The following PIGX variants were observed in gnomAD, a reference collection of about 807,000 sequenced individuals.
PIGX encodes the protein GPI alpha-1,4-mannosyltransferase I, stabilizing subunit.
PIGX carries 24 observed loss-of-function variants against 28.7 expected under a neutral mutation model. The observed-to-expected ratio is 0.84, with a 90% confidence interval of 0.60 to 1.17. The LOEUF (loss-of-function observed/expected upper bound fraction) is 1.17. Ranked by LOEUF, PIGX falls within the 50% of genes most tolerant of loss-of-function variation. PIGX has a pLI of 0.00. For synonymous variants in PIGX, 127 were observed against 121.0 expected (o/e 1.05, Z -0.33); for missense variants, 305 against 317.8 (o/e 0.96, Z 0.31).
chr3:196,732,216 T>TTATTTTTA (rs1400132891), intron 5 of PIGX, among the ~76,000 whole-genome samples: 10 of 51,348 alleles, frequency 1.9e-4, no homozygotes, highest in Admixed American at 2.8e-4. Flanking sequence ...TATATATTAT[T>TTATTTTTA]TATATATATA....
At chr3:196,724,082 A>G (rs1055517242) in intron 3 of PIGX, among the ~76,000 whole-genome samples, 1 of 151,016 alleles carries the variant, frequency 6.6e-6, no homozygotes, top group African/African-American at 2.4e-5. Flanking sequence ...CGGTGGCACA[A>G]TCTTGGCTCA....
At chr3:196,713,024 G>A (rs6798906) in intron 1 of PIGX, 767,733 of 988,080 alleles carry the variant, frequency 0.78, 298,971 homozygotes, top group African/African-American at 0.88. Flanking sequence ...CAAACTGAAT[G>A]TAGGACTCCG....
chr3:196,712,893 C>A, intron 1 of PIGX: 1 of 1,061,084 alleles, frequency 9.4e-7, no homozygotes, highest in Non-Finnish European at 1.1e-6. Flanking sequence ...CGCCCTGTTA[C>A]TAAAGTTCTG....
intron 5 of PIGX, among the ~76,000 whole-genome samples, chr3:196,731,907 A>G (rs1577681230): frequency 6.6e-6 from 1 of 151,496 alleles, no homozygotes; most frequent in Non-Finnish European, 1.5e-5. Flanking sequence ...GCTCACTGCA[A>G]CCTCCGCCTC....
chr3:196,721,152 T>C (rs2108680491), intron 2 of PIGX: 2 of 361,508 alleles, frequency 5.5e-6, no homozygotes, highest in Non-Finnish European at 1.1e-5. Flanking sequence ...ATTTTTTTTC[T>C]GTTACATTCT....
chr3:196,722,615 A>G (rs1712366538), intron 3 of PIGX, 59 bp downstream of exon 3: 1 of 1,429,986 alleles, frequency 7.0e-7, no homozygotes, highest in South Asian at 1.2e-5. Context: ...TGTAGTTTGG[A>G]TTAAGGAAAA....
chr3:196,722,057 C>T (rs1478530771), intron 2 of PIGX, among the ~76,000 whole-genome samples: 1 of 152,144 alleles, frequency 6.6e-6, no homozygotes. Flanking sequence ...TGCCCTCTGG[C>T]CTGTTTTTTT....
chr3:196,713,160 A>G, intron 1 of PIGX: 4 of 862,786 alleles, frequency 4.6e-6, no homozygotes, highest in Non-Finnish European at 5.6e-6. Context: ...AAACCCTACA[A>G]GTTTCTCCAT....
chr3:196,719,633 CCTT>C lies in PIGX; in HGVS notation c.176+2715_176+2717del, dbSNP rs1396656206. ...CTGTTTTATCAGGATAGCTTCATCT[CCTT>C]CTCTTTTCTATGCTGTTGTTATCAC... On this transcript the variant is annotated intron_variant, in intron 2 of 5. Coordinates refer to ENST00000392391, the MANE Select transcript of PIGX (RefSeq NM_017861.4). 2.0e-5 allele frequency among the ~76,000 whole-genome samples: 3 copies of C among 151,990 alleles called. No individual in the cohort carries two copies. The East Asian group carries it at 5.8e-4, about 29-fold the overall frequency.
At chr3:196,719,540 G>T (rs1004509902) in intron 2 of PIGX, among the ~76,000 whole-genome samples, 16 of 151,520 alleles carry the variant, frequency 1.1e-4, no homozygotes, top group Admixed American at 6.6e-4. Context: ...GTTGCTTTAG[G>T]GTTTACAACC....
chr3:196,719,876 G>A (rs1712246239), intron 2 of PIGX, among the ~76,000 whole-genome samples: 1 of 151,622 alleles, frequency 6.6e-6, no homozygotes, highest in Non-Finnish European at 1.5e-5. Flanking sequence ...TGCAACTTCC[G>A]ATTCCCTGGT....
intron 2 of PIGX, chr3:196,717,744 AT>A (rs903042256): frequency 6.6e-6 from 1 of 152,192 alleles, no homozygotes; most frequent in African/African-American, 2.4e-5. Context: ...GCTTAGTACT[AT>A]TATACTTCAA....
At chr3:196,717,125 G>T (rs56196731) in intron 2 of PIGX, among the ~76,000 whole-genome samples, 1 of 151,320 alleles carries the variant, frequency 6.6e-6, no homozygotes, top group Non-Finnish European at 1.5e-5. Context: ...ATAGTGAAAC[G>T]CTGTCTCTAC....
At chr3:196,713,107 G>C in intron 1 of PIGX, 1 of 985,036 alleles carries the variant, frequency 1.0e-6, no homozygotes, top group African/African-American at 1.7e-5. Context: ...GCAAGTGCGG[G>C]AATAATTACA....
At chr3:196,722,956 A>G (rs1712379141) in intron 3 of PIGX, among the ~76,000 whole-genome samples, 1 of 152,194 alleles carries the variant, frequency 6.6e-6, no homozygotes, top group South Asian at 2.1e-4. Context: ...AGATATCTTC[A>G]TTTTCTTTTA....
Position 196,734,053 on chromosome 3 carries a change from C to A in PIGX, c.*151C>A. The A allele has an allele frequency of 1.7e-6, 1 of 593,870 alleles. No individual in the cohort carries two copies. Among genetic ancestry groups the A allele is most frequent in the Non-Finnish European group, 3.0e-6 (1 of 335,742 alleles). The allele number at this position is 593,870 out of a possible 1,614,324, so 36.8% of individuals were successfully genotyped here. ...AGAGGAAATTTGGGATCATTCTCAGCTAATTCCAAAATGTAGTGCTCTATT... is the reference window on the plus strand; with the variant it reads ...AGAGGAAATTTGGGATCATTCTCAGATAATTCCAAAATGTAGTGCTCTATT... On this transcript the variant is annotated 3_prime_UTR_variant, in exon 6 of 6. Transcript: ENST00000392391.
intron 4 of PIGX, among the ~76,000 whole-genome samples, chr3:196,729,943 AC>A (rs1712680418): frequency 6.6e-6 from 1 of 151,410 alleles, no homozygotes; most frequent in South Asian, 2.1e-4. Context: ...GGTGGTATGC[AC>A]CTGCAATCCC....
intron 4 of PIGX, among the ~76,000 whole-genome samples, chr3:196,730,109 G>A (rs930512371): frequency 2.0e-5 from 3 of 150,016 alleles, no homozygotes; most frequent in Admixed American, 6.6e-5. Context: ...ACTAAAAACC[G>A]ACAGATGGGA....
In PIGX at chr3:196,732,243, TATATATATATA is replaced by T. The variant is rs532445355; in HGVS notation, c.633+1152_633+1162del. 2.3e-3 allele frequency among the ~76,000 whole-genome samples: 121 copies of T among 51,942 alleles called. 11 individuals are homozygous for T. The highest frequency in any genetic ancestry group is 0.01 in the African/African-American group (110 of 10,862). The allele number at this position is 51,942 out of a possible 152,430, so 34.1% of individuals were successfully genotyped here. A position where few individuals can be genotyped will look rare whatever the true frequency, so the allele number is the denominator to read the frequency against. On this transcript the variant is annotated intron_variant, in intron 5 of 5. Transcript: ENST00000392391. ...ATATATATATATATATATATATATA[TATATATATATA>T]TATTTTATTTTATTTTATTTTTTTT...
Sources: gnomAD v4.1 joint callset for allele counts (sites outside exome capture counted in the v4.1 genomes callset) on GRCh38, gnomAD v4.1.1 for gene constraint, MANE v1.5 for transcripts, NCBI Gene and HGNC (gene_info 2026-07-23, HGNC 2026-07-21) for gene names.